Variants in DOCK3 observed in about 807,000 individuals in gnomAD.
The protein encoded by DOCK3 is dedicator of cytokinesis protein 3.
DOCK3 carries 60 observed loss-of-function variants against 265.6 expected under a neutral mutation model. The ratio of observed to expected loss-of-function variants is 0.23; its 90% CI spans 0.18 to 0.28. DOCK3 has a LOEUF of 0.28. Among genes scored for constraint, DOCK3 ranks in the 10% least tolerant of loss-of-function variants. The pLI is 1.00. For missense variants in DOCK3, 1,981 were observed against 2,594.3 expected, an observed-to-expected ratio of 0.76 and a Z score of 5.14; for synonymous variants, 881 against 938.0, an observed-to-expected ratio of 0.94 and a Z score of 1.11.
At chr3:51,121,980 G>C (rs2084037828) in intron 9 of DOCK3, among the ~76,000 whole-genome samples, 1 of 152,138 alleles carries the variant, frequency 6.6e-6, no homozygotes, top group Admixed American at 6.5e-5. Flanking sequence ...AGGAACTAAT[G>C]GTCATAGTCA....
chr3:50,692,116 T>C (rs2035292186), intron 1 of DOCK3, among the ~76,000 whole-genome samples: 1 of 152,122 alleles, frequency 6.6e-6, no homozygotes, highest in Non-Finnish European at 1.5e-5. Context: ...ATAGTCTTGC[T>C]ATGTTGCCCA....
chr3:50,904,245 T>C (rs375244461), intron 4 of DOCK3, among the ~76,000 whole-genome samples: 6 of 152,154 alleles, frequency 3.9e-5, no homozygotes, highest in South Asian at 2.1e-4. Flanking sequence ...GTCTTTATAG[T>C]AGCATGATTT....
intron 2 of DOCK3, among the ~76,000 whole-genome samples, chr3:50,835,940 A>G (rs898570071): frequency 3.9e-5 from 6 of 152,188 alleles, no homozygotes; most frequent in East Asian, 1.9e-4. Flanking sequence ...TGCTTCTCTT[A>G]TCCAAACATG....
chr3:51,376,598 G>A (rs977395067), intron 51 of DOCK3, among the ~76,000 whole-genome samples: 1 of 151,994 alleles, frequency 6.6e-6, no homozygotes, highest in Non-Finnish European at 1.5e-5. Flanking sequence ...CCTCATATCC[G>A]CCCCTCTCCT....
intron 24 of DOCK3, among the ~76,000 whole-genome samples, chr3:51,273,085 C>G (rs2080599843): frequency 6.6e-6 from 1 of 151,352 alleles, no homozygotes; most frequent in South Asian, 2.1e-4. Context: ...TGGCGTGAAC[C>G]CAGGAGGCAG....
chr3:50,762,123 G>T (rs963684203), intron 1 of DOCK3, among the ~76,000 whole-genome samples: 4 of 152,104 alleles, frequency 2.6e-5, no homozygotes, highest in African/African-American at 9.7e-5. Flanking sequence ...GGGGCAGCGG[G>T]GAGGGATAGC....
At chr3:50,781,105 A>G (rs1204134711) in intron 2 of DOCK3, among the ~76,000 whole-genome samples, 6 of 152,064 alleles carry the variant, frequency 3.9e-5, no homozygotes, top group Admixed American at 3.9e-4. Context: ...TAGTGCTGCA[A>G]TAAACATGGA....
chr3:51,099,934 C>T (rs957098400), intron 9 of DOCK3, among the ~76,000 whole-genome samples: 39 of 152,164 alleles, frequency 2.6e-4, no homozygotes, highest in Admixed American at 2.6e-3. Context: ...TTGTCCCATC[C>T]TCTCATCCTT....
At chr3:51,182,874 C>T (rs1560173621) in intron 12 of DOCK3, among the ~76,000 whole-genome samples, 1 of 152,188 alleles carries the variant, frequency 6.6e-6, no homozygotes, top group Non-Finnish European at 1.5e-5. Flanking sequence ...AGCTCTGTAA[C>T]TCATGCTTTT....
intron 12 of DOCK3, among the ~76,000 whole-genome samples, chr3:51,202,869 A>C (rs1418033667): frequency 6.6e-6 from 1 of 151,746 alleles, no homozygotes; most frequent in Non-Finnish European, 1.5e-5. Context: ...CAATATACAC[A>C]AATCAATAAA....
At chr3:50,923,374 T>C (rs1188409988) in intron 4 of DOCK3, among the ~76,000 whole-genome samples, 2 of 152,224 alleles carry the variant, frequency 1.3e-5, no homozygotes, top group African/African-American at 4.8e-5. Context: ...TTATTTTTAG[T>C]CTTTTGTCAT....
intron 5 of DOCK3, among the ~76,000 whole-genome samples, chr3:51,014,651 A>G (rs892779392): frequency 1.3e-5 from 2 of 152,200 alleles, no homozygotes; most frequent in South Asian, 4.2e-4. Context: ...TTGCGGTTCC[A>G]TACAGATGTT....
intron 1 of DOCK3, among the ~76,000 whole-genome samples, chr3:50,684,424 C>T (rs1022295840): frequency 1.3e-5 from 2 of 152,168 alleles, no homozygotes; most frequent in African/African-American, 4.8e-5. Context: ...AGGCTGTAAA[C>T]CTAATAATAT....
intron 9 of DOCK3, among the ~76,000 whole-genome samples, chr3:51,092,233 A>G (rs529088790): frequency 5.3e-5 from 8 of 152,322 alleles, no homozygotes; most frequent in Admixed American, 1.3e-4. Context: ...TCCCACCCCC[A>G]TGGAGCCCAG....
intron 2 of DOCK3, among the ~76,000 whole-genome samples, chr3:50,789,803 CAGT>C (rs770798577): frequency 3.3e-5 from 5 of 152,092 alleles, no homozygotes; most frequent in Admixed American, 2.0e-4. Flanking sequence ...TTGGTGTCAT[CAGT>C]GGTGTGACCT....
intron 1 of DOCK3, among the ~76,000 whole-genome samples, chr3:50,676,965 A>G (rs2034010927): frequency 6.6e-6 from 1 of 152,246 alleles, no homozygotes; most frequent in African/African-American, 2.4e-5. Context: ...GTTCTGAGAC[A>G]GAGCCAGTGC....
chr3:51,148,073 G>T (rs1410426619), intron 10 of DOCK3, among the ~76,000 whole-genome samples: 1 of 152,080 alleles, frequency 6.6e-6, no homozygotes, highest in Non-Finnish European at 1.5e-5. Flanking sequence ...ATTTTGATTT[G>T]CATTTCTCTG....
At position 51,090,220 on chromosome 3, in the gene DOCK3, T is replaced by C; in HGVS notation, c.592-10T>C. The C allele has an allele frequency of 6.5e-7, 1 of 1,537,296 alleles. No homozygotes were observed. The highest frequency in any genetic ancestry group is 1.3e-5 in the South Asian group (1 of 79,078). ...AATAAAAATCACTGGGTTTTTTTCT[T>C]CCTCATTAGGTAGATACAATGCGCC... On this transcript the variant is annotated splice_polypyrimidine_tract_variant and intron_variant, in intron 8 of 52. Transcript: ENST00000266037.
chr3:51,255,105 T>G (rs896961587), intron 22 of DOCK3, among the ~76,000 whole-genome samples: 12 of 152,362 alleles, frequency 7.9e-5, no homozygotes, highest in African/African-American at 2.9e-4. Flanking sequence ...GTAAAGGATT[T>G]TATTTCTCTT....
Sources: gnomAD v4.1 joint callset for allele counts (sites outside exome capture counted in the v4.1 genomes callset) on GRCh38, gnomAD v4.1.1 for gene constraint, MANE v1.5 for transcripts, NCBI Gene and HGNC (gene_info 2026-07-23, HGNC 2026-07-21) for gene names.